TTC28: variants seen among roughly 807,000 people sequenced by gnomAD.
TTC28 encodes tetratricopeptide repeat domain 28.
A neutral mutation model predicts 198.0 loss-of-function variants in TTC28; 61 were observed. The observed-to-expected ratio is 0.31, with a 90% CI of 0.25 to 0.38. The LOEUF (loss-of-function observed/expected upper bound fraction) is 0.38, where lower values mean the gene tolerates loss of function less well. Among genes scored for constraint, TTC28 ranks in the 10% least tolerant of loss-of-function variants. The pLI is 1.00. For synonymous variants in TTC28, 1,171 were observed against 1,297.8 expected, an observed-to-expected ratio of 0.90 and a Z score of 2.10; for missense variants, 2,678 against 3,164.0, an observed-to-expected ratio of 0.85 and a Z score of 3.69.
chr22:28,303,286 T>C (rs1304481655), intron 3 of TTC28, among the ~76,000 whole-genome samples: 3 of 152,156 alleles, frequency 2.0e-5, no homozygotes, highest in Non-Finnish European at 4.4e-5. Flanking sequence ...TAAACTGAAA[T>C]TGCTGAAAGA....
At chr22:28,023,815 G>C (rs933819366) in intron 13 of TTC28, among the ~76,000 whole-genome samples, 2 of 152,126 alleles carry the variant, frequency 1.3e-5, no homozygotes, top group African/African-American at 4.8e-5. Flanking sequence ...GGCTCCTAAT[G>C]CTGGCTCTGT....
chr22:28,395,521 A>C (rs1468552304), intron 2 of TTC28, among the ~76,000 whole-genome samples: 1 of 151,554 alleles, frequency 6.6e-6, no homozygotes, highest in Non-Finnish European at 1.5e-5. Flanking sequence ...AGTCCCAGCT[A>C]CTCGGGAGGC....
rs544868573 is a variant in TTC28 at position 28,445,964 on chromosome 22, C to T, written c.382-139321G>A. 1.2e-4 allele frequency among the ~76,000 whole-genome samples: 18 copies of T among 151,952 alleles called. 1 individual carries two copies. The highest frequency in any genetic ancestry group is 3.9e-4 in the African/African-American group (16 of 41,446). ...GAGCAGGGACTTGACTGTTATAATA[C>T]CAACACCCAGTGAACAGTGTCTGAC... On this transcript the variant is annotated intron_variant, in intron 2 of 22. Transcript: ENST00000397906.
chr22:28,181,283 A>G (rs979442888), intron 5 of TTC28, among the ~76,000 whole-genome samples: 1 of 152,240 alleles, frequency 6.6e-6, no homozygotes, highest in African/African-American at 2.4e-5. Flanking sequence ...TTTCAAATCA[A>G]GAATCTGTAA....
At chr22:27,996,021 C>T in intron 17 of TTC28, 114 bp downstream of exon 17, 1 of 1,429,130 alleles carries the variant, frequency 7.0e-7, no homozygotes, top group South Asian at 1.4e-5. Flanking sequence ...GACACGGCCC[C>T]AATCACGGTG....
intron 1 of TTC28, among the ~76,000 whole-genome samples, chr22:28,649,378 T>C (rs949909703): frequency 2.0e-5 from 3 of 152,012 alleles, no homozygotes; most frequent in African/African-American, 4.8e-5. Flanking sequence ...AAATAAAATA[T>C]ATATAAATAA....
At chr22:28,317,092 T>A (rs1443744987) in intron 2 of TTC28, among the ~76,000 whole-genome samples, 1 of 152,206 alleles carries the variant, frequency 6.6e-6, no homozygotes, top group Admixed American at 6.5e-5. Context: ...TACTTTTATG[T>A]TTTAAAACAT....
At chr22:28,137,404 G>A (rs1286183496) in intron 6 of TTC28, among the ~76,000 whole-genome samples, 8 of 152,024 alleles carry the variant, frequency 5.3e-5, no homozygotes, top group Non-Finnish European at 1.0e-4. Context: ...TTCCTCTCTC[G>A]CTTCTCAGAA....
intron 5 of TTC28, among the ~76,000 whole-genome samples, chr22:28,245,745 C>G (rs1311735960): frequency 2.0e-5 from 3 of 152,152 alleles, no homozygotes; most frequent in African/African-American, 7.2e-5. Context: ...CTTTCAATGA[C>G]TCACCACACT....
intron 5 of TTC28, among the ~76,000 whole-genome samples, chr22:28,194,598 G>A (rs1442904625): frequency 2.0e-5 from 3 of 151,810 alleles, no homozygotes; most frequent in Admixed American, 2.0e-4. Flanking sequence ...ATGATAAAGG[G>A]GATATCACCA....
In TTC28 at chr22:28,236,224, A is replaced by G. The variant is rs151125226; in HGVS notation, c.933+59974T>C. On this transcript the variant is annotated intron_variant, in intron 5 of 22. Transcript: ENST00000397906. Reference sequence around the variant, plus strand: ...CAGTTTGTCCACTTGCACCAGCTTCAGGAAGAGAGATTGGTGACTTTTGCA... The same window carrying G: ...CAGTTTGTCCACTTGCACCAGCTTCGGGAAGAGAGATTGGTGACTTTTGCA... Among the ~76,000 whole-genome samples the G allele has an allele frequency of 1.1e-3, 160 of 152,326 alleles. 3 individuals are homozygous for G. The highest frequency in any genetic ancestry group is 9.3e-3 in the Admixed American group (143 of 15,300).
At chr22:28,261,346 G>T (rs189390236) in intron 5 of TTC28, among the ~76,000 whole-genome samples, 14 of 152,258 alleles carry the variant, frequency 9.2e-5, no homozygotes, top group Admixed American at 8.5e-4. Context: ...TGCAGGAATC[G>T]GGAAAATATC....
intron 2 of TTC28, among the ~76,000 whole-genome samples, chr22:28,411,975 T>C (rs2047088820): frequency 6.6e-6 from 1 of 152,222 alleles, no homozygotes. Flanking sequence ...TACTTTAAAG[T>C]ATTACAATTT....
chr22:28,207,815 G>A (rs985054666), intron 5 of TTC28, among the ~76,000 whole-genome samples: 3 of 152,000 alleles, frequency 2.0e-5, no homozygotes, highest in African/African-American at 7.3e-5. Context: ...TTATAAACAT[G>A]TACTTAAATG....
chr22:28,649,710 T>C (rs1054408290), intron 1 of TTC28, among the ~76,000 whole-genome samples: 8 of 152,192 alleles, frequency 5.3e-5, no homozygotes, highest in Admixed American at 3.3e-4. Context: ...TTAAGGCTAA[T>C]GGAGAAAATC....
At chr22:28,133,299 A>G (rs562787255) in intron 6 of TTC28, among the ~76,000 whole-genome samples, 14 of 152,324 alleles carry the variant, frequency 9.2e-5, no homozygotes, top group Middle Eastern at 3.4e-3. Flanking sequence ...CAGCGTGAGC[A>G]ACACAGAAGA....
At chr22:28,244,797 G>C (rs1200906453) in intron 5 of TTC28, among the ~76,000 whole-genome samples, 1 of 151,912 alleles carries the variant, frequency 6.6e-6, no homozygotes, top group East Asian at 1.9e-4. Flanking sequence ...CTTTTTTCAT[G>C]TACCGTGCAA....
Position 28,588,696 on chromosome 22 carries a change from G to A in TTC28, c.381+40856C>T, listed in dbSNP as rs574438280. ...AATACCAATTCATAGCCAACTTCTG[G>A]CTTTGGAAGGGATTTTCCTTTGCTC... On this transcript the variant is annotated intron_variant, in intron 2 of 22. Transcript: ENST00000397906. Among the ~76,000 whole-genome samples, 9 of 152,306 alleles carry A rather than the reference G, an allele frequency of 5.9e-5. No individual in the cohort carries two copies. In the South Asian group the frequency reaches 1.9e-3, roughly 32 times the overall value.
At chr22:28,167,586 T>C (rs1196404523) in intron 5 of TTC28, among the ~76,000 whole-genome samples, 1 of 152,164 alleles carries the variant, frequency 6.6e-6, no homozygotes, top group Non-Finnish European at 1.5e-5. Context: ...ATTATCTCAA[T>C]AGATGCAGAA....
Sources: allele counts gnomAD v4.1 joint callset (sites outside exome capture counted in the v4.1 genomes callset), GRCh38; gene constraint gnomAD v4.1.1; transcripts MANE v1.5; gene names NCBI Gene and HGNC (gene_info 2026-07-23, HGNC 2026-07-21).